OGDHL: variants seen among roughly 807,000 people sequenced by gnomAD.
OGDHL encodes the protein oxoglutarate dehydrogenase L.
A neutral mutation model predicts 109.6 loss-of-function variants in OGDHL; 79 were observed. The observed-to-expected ratio is 0.72, with a 90% CI of 0.60 to 0.87. OGDHL has a LOEUF of 0.87. Ranked by LOEUF, OGDHL falls within the 40% of genes least tolerant of loss-of-function variation. The pLI, the probability that OGDHL is intolerant of heterozygous loss-of-function variation, is 0.00. For missense variants in OGDHL, 1,275 were observed against 1,362.2 expected, an observed-to-expected ratio of 0.94 and a Z score of 1.01; for synonymous variants, 528 against 537.2, an observed-to-expected ratio of 0.98 and a Z score of 0.24.
Position 49,749,713 on chromosome 10 carries a change from G to A in OGDHL, c.987+13C>T, listed in dbSNP as rs1445117929. On this transcript the variant is annotated intron_variant, in intron 8 of 22. Coordinates refer to ENST00000374103, the MANE Select transcript of OGDHL (RefSeq NM_018245.3). ...GCTCTCCAAGGGTGCCGGGACCTGG[G>A]CATGGCACCCACCTCGTCCGCCGCC... 1.9e-6 allele frequency: 3 copies of A among 1,575,992 alleles called. No individual in the cohort carries two copies. The highest frequency in any genetic ancestry group is 2.7e-5 in the African/African-American group (2 of 74,336).
chr10:49,745,871 T>G lies in OGDHL; in HGVS notation c.1403A>C (p.Glu468Ala). The G allele has an allele frequency of 1.2e-6, 2 of 1,614,150 alleles. No individual in the cohort carries two copies. Among genetic ancestry groups the G allele is most frequent in the African/African-American group, 1.3e-5 (1 of 75,022 alleles). ...CACACTGCACACATATATCACAGCCTCTGGGTCATCGGCATTCACATGGAA... is the reference window on the plus strand; with the variant it reads ...CACACTGCACACATATATCACAGCCGCTGGGTCATCGGCATTCACATGGAA... ...PIFHVNADDP[E>A]AVIYVCSVAA... Residue 468 changes from glutamate to alanine, a missense_variant, in exon 11 of 23, where the codon GAG (glutamate) becomes GCG (alanine). Physicochemically the swap from Glu to Ala is moderately radical, Grantham distance 107. Transcript: ENST00000374103.
In OGDHL at chr10:49,745,967, G is replaced by C; in HGVS notation, c.1307C>G (p.Thr436Ser). The change falls in exon 11 of 23, where the codon ACC becomes AGC. Residue 436 changes from threonine to serine, a missense_variant. By Grantham distance (58) the Thr-to-Ser change is moderately conservative. Coordinates refer to ENST00000374103, the MANE Select transcript of OGDHL (RefSeq NM_018245.3). ...GGAGCGGGCCATTCGGGGGTCTGTG[G>C]TGAATCCAATCTGCAGAGGCAGGAG... ...HVVVNNQIGF[T>S]TDPRMARSSP... 2 of 1,613,980 alleles carry C rather than the reference G, an allele frequency of 1.2e-6. No individual in the cohort carries two copies. The highest frequency in any genetic ancestry group is 1.1e-5 in the South Asian group (1 of 91,062).
rs111840840 is a variant in OGDHL at position 49,752,560 on chromosome 10, G to A, written c.478+78C>T. ...AGCTCCATGGATTCCCAAGGATCAG[G>A]CTGTCCCTAGTGCCCGTGGGCCCCT... On this transcript the variant is annotated intron_variant, in intron 4 of 22. Coordinates refer to ENST00000374103, the MANE Select transcript of OGDHL (RefSeq NM_018245.3). 5.4e-5 allele frequency: 65 copies of A among 1,212,758 alleles called. No homozygotes were observed. The African/African-American group carries it at 7.1e-4, about 13-fold the overall frequency. 75.1% of individuals were successfully genotyped at this position (1,212,758 alleles called of 1,614,324 possible).
At chr10:49,759,099 C>T (rs1843104719) in intron 1 of OGDHL, among the ~76,000 whole-genome samples, 1 of 152,094 alleles carries the variant, frequency 6.6e-6, no homozygotes, top group Admixed American at 6.5e-5. Context: ...ATCCAGTGAG[C>T]ACAGGTGTCG....
rs1841982040 is a variant in OGDHL at position 49,743,906 on chromosome 10, C to T, written c.1861+88G>A. On this transcript the variant is annotated intron_variant, in intron 14 of 22. Coordinates refer to ENST00000374103, the MANE Select transcript of OGDHL (RefSeq NM_018245.3). ...ACTGAGCAGGAATGCGACACACCAT[C>T]TCTCTTGCATCCCAACCAATCTCCC... 4 of 1,506,714 alleles carry T rather than the reference C, an allele frequency of 2.7e-6. No individual in the cohort carries two copies. The Admixed American group carries it at 7.3e-5, about 28-fold the overall frequency. The allele number at this position is 1,506,714 out of a possible 1,614,324, so 93.3% of individuals were successfully genotyped here.
chr10:49,745,050 G>A (rs1468159853), intron 12 of OGDHL, among the ~76,000 whole-genome samples: 1 of 152,210 alleles, frequency 6.6e-6, no homozygotes, highest in Non-Finnish European at 1.5e-5. Flanking sequence ...ACACTCCATA[G>A]ATAATTATGG....
In OGDHL at chr10:49,737,787, G is replaced by A. The variant is rs375431583; in HGVS notation, c.2589C>T (p.Ser863=). The part of the protein sequence containing the change: ...EAKSSFDQMV[S]GTSFQRVIPE... ...CACACACCCAGGCCAGGCACGTACC[G>A]GATACCATTTGGTCAAAGCTGGACT... The change falls in exon 20 of 23, where the codon TCC becomes TCT. Residue 863 remains serine (S), a splice_region_variant and synonymous_variant. Coordinates refer to ENST00000374103, the MANE Select transcript of OGDHL (RefSeq NM_018245.3). 4.0e-5 allele frequency: 65 copies of A among 1,614,008 alleles called. 1 individual carries two copies. The highest frequency in any genetic ancestry group is 3.5e-4 in the Admixed American group (21 of 59,996).
In OGDHL at chr10:49,756,824, T is replaced by C. The variant is rs1842945683; in HGVS notation, c.327A>G (p.Lys109=). The change falls in exon 3 of 23, where the codon AAA becomes AAG. Residue 109 remains lysine, a synonymous_variant. Coordinates refer to ENST00000374103, the MANE Select transcript of OGDHL (RefSeq NM_018245.3). ...GCACAGCCAGGTGGTCCTCCACCAA[T>C]TTGCTGGTCTTGGTCCGACTTGAGA... ...SAVSSRTKTS[K]LVEDHLAVQS... 1 of 1,613,866 alleles carries C rather than the reference T, an allele frequency of 6.2e-7. No individual in the cohort carries two copies. Among genetic ancestry groups the C allele is most frequent in the Admixed American group, 1.7e-5 (1 of 59,992 alleles).
chr10:49,742,990 G>T lies in OGDHL; in HGVS notation c.1862-12C>A. 1 of 1,611,268 alleles carries T rather than the reference G, an allele frequency of 6.2e-7. No homozygotes were observed. Among genetic ancestry groups the T allele is most frequent in the Non-Finnish European group, 8.5e-7 (1 of 1,179,790 alleles). On this transcript the variant is annotated splice_polypyrimidine_tract_variant and intron_variant, in intron 14 of 22. Transcript: ENST00000374103. The stretch of plus-strand genomic sequence containing the variant: ...AATGCGAGAGAGGCCTGTGGGAAAG[G>T]AGTGCTGGCCTGAGGGCCAAGGGAC...
At chr10:49,761,350 G>C (rs1292833037) in intron 1 of OGDHL, among the ~76,000 whole-genome samples, 2 of 152,194 alleles carry the variant, frequency 1.3e-5, no homozygotes, top group Non-Finnish European at 2.9e-5. Flanking sequence ...ACACAACCCT[G>C]TCTGGGGTGC....
At chr10:49,736,676 G>A (rs1841220976) in intron 20 of OGDHL, among the ~76,000 whole-genome samples, 156 bp from the exon 21 acceptor site, 1 of 152,188 alleles carries the variant, frequency 6.6e-6, no homozygotes, top group African/African-American at 2.4e-5. Context: ...CTAAAAGATG[G>A]AGCAGGGGGC....
Position 49,745,477 on chromosome 10 carries a change from C to T in OGDHL, c.1496G>A (p.Gly499Asp), listed in dbSNP as rs761116177. 1 of 1,613,972 alleles carries T rather than the reference C, an allele frequency of 6.2e-7. No homozygotes were observed. The highest frequency in any genetic ancestry group is 2.2e-5 in the East Asian group (1 of 44,874). ...VVDLVCYRRR[G>D]HNEMDEPMFT... is the part of the protein sequence containing the mutation. ...CATGGGCTCGTCCATCTCATTGTGG[C>T]CACGCCGGCGGTAACAGACCTGCAG... The change falls in exon 12 of 23, where the codon GGC becomes GAC. Residue 499 changes from glycine (G) to aspartate (D), a missense_variant. Transcript: ENST00000374103.
intron 3 of OGDHL, among the ~76,000 whole-genome samples, chr10:49,754,076 G>C (rs1842772081): frequency 6.6e-6 from 1 of 152,136 alleles, no homozygotes. Context: ...TAGCACGTTA[G>C]AAGCATCAGT....
chr10:49,741,639 C>CACACACA (rs1276096396), intron 15 of OGDHL, among the ~76,000 whole-genome samples: 3 of 151,322 alleles, frequency 2.0e-5, no homozygotes, highest in Non-Finnish European at 4.4e-5. Flanking sequence ...CAGCAGTACA[C>CACACACA]ACACACACCA....
Position 49,737,832 on chromosome 10 carries a change from C to G in OGDHL, c.2544G>C (p.Leu848=), listed in dbSNP as rs61729429. The G allele has an allele frequency of 3.7e-6, 6 of 1,614,102 alleles. No individual in the cohort carries two copies. Among genetic ancestry groups the G allele is most frequent in the South Asian group, 3.3e-5 (3 of 91,094 alleles). ...TGGACTTGGCCTCTGGGTGCCTCAGCAGAGATTTAGGTGTGAAGATAATCA... is the reference window on the plus strand; with the variant it reads ...TGGACTTGGCCTCTGGGTGCCTCAGGAGAGATTTAGGTGTGAAGATAATCA... ...KPLIIFTPKS[L]LRHPEAKSSF... is the part of the protein sequence containing the mutation. The change falls in exon 20 of 23, where the codon CTG becomes CTC. Residue 848 remains leucine, a synonymous_variant. Transcript: ENST00000374103.
chr10:49,752,871 G>C, intron 3 of OGDHL, 131 bp from the exon 4 acceptor site: 1 of 652,268 alleles, frequency 1.5e-6, no homozygotes, highest in Non-Finnish European at 2.6e-6. Context: ...TCTGCCCCGC[G>C]GCTACTTCAC....
Position 49,750,886 on chromosome 10 carries a change from T to C in OGDHL, c.849A>G (p.Lys283=). The part of the protein sequence containing the change: ...MIPALKTIID[K]SSEMGIENVI... ...CATTCTCAATCCCCATCTCGCTGGA[T>C]TTGTCGATGATGGTCTTGAGGGCAG... Residue 283 remains lysine (K), a synonymous_variant, in exon 7 of 23, where the codon AAA becomes AAG. Transcript: ENST00000374103. 1.2e-6 allele frequency: 2 copies of C among 1,612,554 alleles called. No homozygotes were observed. Among genetic ancestry groups the C allele is most frequent in the East Asian group, 2.2e-5 (1 of 44,858 alleles).
intron 20 of OGDHL, among the ~76,000 whole-genome samples, chr10:49,737,141 GCAGGTAGCC>G (rs1461192785): frequency 1.3e-5 from 2 of 152,178 alleles, no homozygotes; most frequent in Non-Finnish European, 2.9e-5. Context: ...CCAGCACAGG[GCAGGTAGCC>G]CAGGTAGTCC....
rs780759543 is a variant in OGDHL, at chr10:49,738,225, AG to A, written c.2356del (p.Leu786CysfsTer3). ...ATCCGAGTCATCATTGCTCATCTGC[AG>A]GAACCTTTCGGGCCTCGCTGACGAG... ...EHSSARPERF[L>X]QMSNDDSDAY... On this transcript the variant is annotated frameshift_variant, in exon 18 of 23. Coordinates refer to ENST00000374103, the MANE Select transcript of OGDHL (RefSeq NM_018245.3). LOFTEE classifies it high-confidence loss of function. The A allele has an allele frequency of 3.7e-6, 6 of 1,613,870 alleles. No homozygotes were observed. The South Asian group carries it at 6.6e-5, about 18-fold the overall frequency.
Sources: gnomAD v4.1 joint callset for allele counts (sites outside exome capture counted in the v4.1 genomes callset) on GRCh38, gnomAD v4.1.1 for gene constraint, MANE v1.5 for transcripts, NCBI Gene and HGNC (gene_info 2026-07-23, HGNC 2026-07-21) for gene names.